The following PLEKHA4 variants were observed in gnomAD, a reference collection of about 807,000 sequenced individuals.
PLEKHA4 encodes the protein pleckstrin homology domain containing A4.
A neutral mutation model predicts 94.7 loss-of-function variants in PLEKHA4; 73 were observed. The observed-to-expected ratio is 0.77, with a 90% confidence interval of 0.64 to 0.94. The LOEUF (loss-of-function observed/expected upper bound fraction) is 0.94, where lower values mean the gene tolerates loss of function less well. Among genes scored for constraint, PLEKHA4 ranks in the 40% least tolerant of loss-of-function variants. PLEKHA4 has a pLI of 0.00. For synonymous variants in PLEKHA4, 449 were observed against 437.1 expected (o/e 1.03, Z -0.34); for missense variants, 1,049 against 1,054.1 (o/e 1.00, Z 0.07).
rs752039020 is a variant in PLEKHA4 at position 48,867,546 on chromosome 19, C to T, written c.75G>A (p.Leu25=). 3.8e-6 allele frequency: 6 copies of T among 1,597,638 alleles called. No homozygotes were observed. Among genetic ancestry groups the T allele is most frequent in the Non-Finnish European group, 5.1e-6 (6 of 1,174,710 alleles). ...SASTISSLSS[L]SPKKPTRAVN... is the part of the protein sequence containing the mutation. ...GCCAGGAAGCTCAAACCTTGGGGCT[C>T]AGGCTGCTGAGCGAGGAGATGGTGG... Residue 25 remains leucine (L), a synonymous_variant, in exon 2 of 20, where the codon CTG becomes CTA. Coordinates refer to ENST00000263265, the MANE Select transcript of PLEKHA4 (RefSeq NM_020904.3). This position sits in a 1 kb window ranked among gnomAD's most constrained non-coding sequence, Gnocchi z 4.7.
intron 9 of PLEKHA4, among the ~76,000 whole-genome samples, chr19:48,856,263 G>T (rs926338223): frequency 6.6e-6 from 1 of 151,384 alleles, no homozygotes; most frequent in East Asian, 2.0e-4. Context: ...GGAGGGGAAG[G>T]GGAAGGGGAA....
At chr19:48,855,664 C>CT (rs1017091503) in intron 9 of PLEKHA4, among the ~76,000 whole-genome samples, 1 of 151,386 alleles carries the variant, frequency 6.6e-6, no homozygotes. Context: ...TGGTACATGC[C>CT]TGTAGTCTCA....
intron 13 of PLEKHA4, among the ~76,000 whole-genome samples, chr19:48,849,291 GT>G (rs918838393): frequency 7.2e-5 from 11 of 151,962 alleles, no homozygotes; most frequent in African/African-American, 2.7e-4. Flanking sequence ...GGCATCAATG[GT>G]TTTTTGTTTT....
chr19:48,860,525 G>A (rs572904335), intron 5 of PLEKHA4, 66 bp from the exon 6 acceptor site: 247 of 1,248,032 alleles, frequency 2.0e-4, no homozygotes, highest in Non-Finnish European at 2.5e-4. Context: ...AGGCCGGACC[G>A]GTGACTCATT....
At chr19:48,843,196 G>C (rs2035831909) in intron 16 of PLEKHA4, among the ~76,000 whole-genome samples, 1 of 141,760 alleles carries the variant, frequency 7.1e-6, no homozygotes, top group Non-Finnish European at 1.5e-5. Flanking sequence ...TTTTATTTTT[G>C]AGATGGAGTT....
chr19:48,848,417 C>T (rs1291048680), intron 13 of PLEKHA4, among the ~76,000 whole-genome samples: 227 of 142,552 alleles, frequency 1.6e-3, no homozygotes, highest in African/African-American at 5.8e-3. Flanking sequence ...ACCCGGGAGG[C>T]GGAGCTTGCA....
intron 4 of PLEKHA4, 50 bp downstream of exon 4, chr19:48,861,570 G>C: frequency 6.2e-7 from 1 of 1,611,844 alleles, no homozygotes; most frequent in South Asian, 1.1e-5. Context: ...GAGAAGGGCA[G>C]ACTGGGCGGG....
Position 48,839,280 on chromosome 19 carries a change from G to A in PLEKHA4, c.1906-17C>T, listed in dbSNP as rs761769650. On this transcript the variant is annotated splice_polypyrimidine_tract_variant and intron_variant, in intron 17 of 19. Transcript: ENST00000263265. ...TACGACAGGCTGGAAAGGAATTGGG[G>A]CATTAGAACTCCTCACCTGGAAGCC... is the stretch of plus-strand genomic sequence containing the variant. 1.9e-6 allele frequency: 3 copies of A among 1,549,904 alleles called. No individual in the cohort carries two copies. Among genetic ancestry groups the A allele is most frequent in the African/African-American group, 1.4e-5 (1 of 73,382 alleles).
rs368295906 is a variant in PLEKHA4 at position 48,859,005 on chromosome 19, A to G, written c.827T>C (p.Ile276Thr). ...CCAATCCAGAGGAGGTCGGACATCAATGCGACTCAACGGGGTGTGAGGTCG... is the reference window on the plus strand; with the variant it reads ...CCAATCCAGAGGAGGTCGGACATCAGTGCGACTCAACGGGGTGTGAGGTCG... ...PARPHTPLSR[I>T]DVRPPLDWGP... The change falls in exon 8 of 20, where the codon ATT becomes ACT. Residue 276 changes from isoleucine (I) to threonine (T), a missense_variant. Transcript: ENST00000263265. 6.0e-6 allele frequency: 9 copies of G among 1,501,956 alleles called. No individual in the cohort carries two copies. The highest frequency in any genetic ancestry group is 5.9e-5 in the South Asian group (5 of 84,568). The allele number at this position is 1,501,956 out of a possible 1,614,324, so 93.0% of individuals were successfully genotyped here. A position where few individuals can be genotyped will look rare whatever the true frequency, so the allele number is the denominator to read the frequency against.
At chr19:48,851,587 G>A (rs1362080005) in intron 13 of PLEKHA4, among the ~76,000 whole-genome samples, 2 of 151,922 alleles carry the variant, frequency 1.3e-5, no homozygotes, top group African/African-American at 2.4e-5. Flanking sequence ...TTGCACTCCA[G>A]CCCGGGCAAC....
In PLEKHA4 at chr19:48,853,764, G is replaced by C; in HGVS notation, c.1244C>G (p.Ala415Gly). 1.2e-6 allele frequency: 2 copies of C among 1,613,312 alleles called. No homozygotes were observed. The highest frequency in any genetic ancestry group is 2.2e-5 in the South Asian group (2 of 90,974). Residue 415 changes from alanine to glycine, a missense_variant, in exon 12 of 20, where the codon GCT becomes GGT. By Grantham distance (60) the Ala-to-Gly change is moderately conservative. Transcript: ENST00000263265. ...QLGQATREAGAPGRAWGRQRL... is the reference protein window; with the variant it reads ...QLGQATREAGGPGRAWGRQRL... ...CTGGCGACCCCAGGCCCTCCCGGGA[G>C]CCCCAGCCTCCCTGGTGGCTTGGCC...
At chr19:48,864,099 C>T (rs1355378573) in intron 3 of PLEKHA4, among the ~76,000 whole-genome samples, 4 of 152,116 alleles carry the variant, frequency 2.6e-5, no homozygotes, top group African/African-American at 7.2e-5. Context: ...TGGCTTCTTC[C>T]CCTGGCCTCA....
chr19:48,865,939 G>T (rs1279481826), intron 2 of PLEKHA4, among the ~76,000 whole-genome samples: 1 of 151,466 alleles, frequency 6.6e-6, no homozygotes, highest in South Asian at 2.1e-4. Flanking sequence ...GCGAGAACCC[G>T]GGAGGAGGAG....
intron 17 of PLEKHA4, among the ~76,000 whole-genome samples, 171 bp from the exon 18 acceptor site, chr19:48,839,434 T>A (rs2035669995): frequency 6.6e-6 from 1 of 152,160 alleles, no homozygotes; most frequent in Non-Finnish European, 1.5e-5. Flanking sequence ...AAAATTAATT[T>A]ATTTTATTTA....
chr19:48,854,963 C>T (rs192520482), intron 9 of PLEKHA4, among the ~76,000 whole-genome samples: 1 of 152,014 alleles, frequency 6.6e-6, no homozygotes, highest in East Asian at 1.9e-4. Context: ...GCCTTGGCCT[C>T]CTGAAGTCCT....
Position 48,847,958 on chromosome 19 carries a change from T to A in PLEKHA4, c.1508A>T (p.His503Leu). ...GLGGPQKPPP[H>L]TEPDSPSPVL... ...GGGAGATGGGGAGTCAGGCTCAGTG[T>A]GTGGGGGCGGTTTCTGGGGGCCACC... The change falls in exon 14 of 20, where the codon CAC (histidine) becomes CTC (leucine). Residue 503 changes from histidine to leucine, a missense_variant. His to Leu is a moderately conservative substitution (Grantham distance 99). Transcript: ENST00000263265. The A allele has an allele frequency of 6.2e-7, 1 of 1,612,142 alleles. No individual in the cohort carries two copies. Among genetic ancestry groups the A allele is most frequent in the Non-Finnish European group, 8.5e-7 (1 of 1,179,162 alleles).
chr19:48,860,585 C>T, intron 5 of PLEKHA4, 126 bp from the exon 6 acceptor site: 1 of 686,830 alleles, frequency 1.5e-6, no homozygotes, highest in Non-Finnish European at 2.6e-6. Flanking sequence ...TGGCTTGAGA[C>T]CAGCCTAGGC....
chr19:48,843,739 TC>T (rs2035854766), intron 16 of PLEKHA4, among the ~76,000 whole-genome samples: 1 of 151,066 alleles, frequency 6.6e-6, no homozygotes, highest in African/African-American at 2.4e-5. Context: ...CTCACTGCAA[TC>T]TCAGCCACCC....
intron 3 of PLEKHA4, among the ~76,000 whole-genome samples, chr19:48,863,296 C>T (rs1051694590): frequency 4.5e-4 from 68 of 152,328 alleles, no homozygotes; most frequent in African/African-American, 1.5e-3. Flanking sequence ...CTCTGTCACC[C>T]AGGCTGGAGT....
Sources: allele counts gnomAD v4.1 joint callset (sites outside exome capture counted in the v4.1 genomes callset), GRCh38; gene constraint gnomAD v4.1.1; non-coding constraint Gnocchi (gnomAD v3.1); transcripts MANE v1.5; gene names NCBI Gene and HGNC (gene_info 2026-07-23, HGNC 2026-07-21).